Variants in TOR1AIP2 observed in about 807,000 individuals in gnomAD.
The protein encoded by TOR1AIP2 is torsin-1A-interacting protein 2.
A neutral mutation model predicts 32.6 loss-of-function variants in TOR1AIP2; 20 were observed. The ratio of observed to expected loss-of-function variants is 0.61; its 90% CI spans 0.43 to 0.89. The LOEUF (loss-of-function observed/expected upper bound fraction) is 0.89, where lower values mean the gene tolerates loss of function less well. TOR1AIP2 is among the 40% of genes least tolerant of loss of function. The probability of loss-of-function intolerance (pLI) is 0.00; values close to 1 mark genes in which losing one functional copy is unlikely to be tolerated. For synonymous variants in TOR1AIP2, 214 were observed against 210.8 expected (o/e 1.02, Z -0.13); for missense variants, 456 against 553.8 (o/e 0.82, Z 1.77).
At chr1:179,859,047 C>A in intron 3 of TOR1AIP2, 1 of 982,966 alleles carries the variant, frequency 1.0e-6, no homozygotes, top group Non-Finnish European at 1.2e-6. Context: ...AAGTATATAT[C>A]TTTATTTTTA....
intron 2 of TOR1AIP2, among the ~76,000 whole-genome samples, chr1:179,870,482 C>G (rs1233167613): frequency 6.6e-6 from 1 of 152,036 alleles, no homozygotes; most frequent in African/African-American, 2.4e-5. Flanking sequence ...CTAGAGGAAT[C>G]TGAAATGATT....
At chr1:179,863,287 G>A in intron 3 of TOR1AIP2, 2 of 982,956 alleles carry the variant, frequency 2.0e-6, no homozygotes, top group Non-Finnish European at 2.4e-6. Context: ...GCCTACCCAG[G>A]CAATGCTAAC....
At position 179,846,826 on chromosome 1, in the gene TOR1AIP2, G is replaced by A. The variant is rs1298485087; in HGVS notation, c.658C>T (p.Pro220Ser). The A allele has an allele frequency of 3.8e-6, 6 of 1,584,748 alleles. No homozygotes were observed. Among genetic ancestry groups the A allele is most frequent in the African/African-American group, 1.4e-5 (1 of 73,538 alleles). ...INKKGFWSYG[P>S]VILVVLVVAV... is the part of the protein sequence containing the mutation. ...ACAACCAGGACGACAAGAATCACAG[G>A]GCCTGTCAAAAGAATGAAAAAGGAA... Residue 220 changes from proline to serine, a missense_variant and splice_region_variant, in exon 7 of 7, where the codon CCT becomes TCT. By Grantham distance (74) the Pro-to-Ser change is moderately conservative. Transcript: ENST00000609928.
rs1360328317 is a variant in TOR1AIP2, at chr1:179,877,341, G to A, written c.-668C>T. The A allele has an allele frequency of 2.6e-5, 4 of 152,512 alleles. No individual in the cohort carries two copies. The highest frequency in any genetic ancestry group is 9.7e-5 in the African/African-American group (4 of 41,388). 9.4% of individuals were successfully genotyped at this position (152,512 alleles called of 1,614,324 possible). A position where few individuals can be genotyped will look rare whatever the true frequency, so the allele number is the denominator to read the frequency against. ...GAATCGCTTGAAGCCAGGAGTTCGA[G>A]ACCAACCTGGGCAATACAGTGAGAC... On this transcript the variant is annotated 5_prime_UTR_variant, in exon 2 of 7. Coordinates refer to ENST00000609928, the MANE Select transcript of TOR1AIP2 (RefSeq NM_001199260.2).
rs1202025908 is a variant in TOR1AIP2 at position 179,845,618 on chromosome 1, CAT to C, written c.*451_*452del. 6.5e-6 allele frequency: 1 copy of C among 153,104 alleles called. No homozygotes were observed. Among genetic ancestry groups the C allele is most frequent in the Non-Finnish European group, 1.5e-5 (1 of 68,942 alleles). 9.5% of individuals were successfully genotyped at this position (153,104 alleles called of 1,614,324 possible). On this transcript the variant is annotated 3_prime_UTR_variant, in exon 7 of 7. Coordinates refer to ENST00000609928, the MANE Select transcript of TOR1AIP2 (RefSeq NM_001199260.2). The stretch of plus-strand genomic sequence containing the variant: ...TAAAGTAAGGTTTGAAAATATTCAA[CAT>C]GTGATAGAAAAATTTTCTAAAGGTT...
intron 2 of TOR1AIP2, among the ~76,000 whole-genome samples, chr1:179,876,617 G>A (rs1647333134): frequency 6.6e-6 from 1 of 151,016 alleles, no homozygotes; most frequent in African/African-American, 2.4e-5. Context: ...GTTTCCACTG[G>A]CCTTTTATAT....
intron 2 of TOR1AIP2, among the ~76,000 whole-genome samples, chr1:179,870,599 A>C (rs1558028763): frequency 1.3e-5 from 2 of 152,182 alleles, no homozygotes; most frequent in South Asian, 2.1e-4. Flanking sequence ...AACAATCTGC[A>C]GTCTTGTAAT....
At chr1:179,858,087 C>G (rs1010314259) in intron 3 of TOR1AIP2, among the ~76,000 whole-genome samples, 2 of 151,020 alleles carry the variant, frequency 1.3e-5, no homozygotes, top group Non-Finnish European at 2.9e-5. Context: ...CCCAGGAGTT[C>G]AAGGCTGCAG....
At chr1:179,865,238 A>G (rs1204598691) in intron 3 of TOR1AIP2, 198 bp downstream of exon 3, 1 of 1,523,850 alleles carries the variant, frequency 6.6e-7, no homozygotes. Flanking sequence ...TGACAGAGAG[A>G]GACGCCCAAA....
At chr1:179,858,905 G>A in intron 3 of TOR1AIP2, 1 of 583,642 alleles carries the variant, frequency 1.7e-6, no homozygotes. Context: ...GAAGTACTAA[G>A]ACCATTTTTT....
chr1:179,842,734 A>G lies in TOR1AIP2; in HGVS notation c.*3337T>C, dbSNP rs981846766. On this transcript the variant is annotated 3_prime_UTR_variant, in exon 7 of 7. Transcript: ENST00000609928. ...AGACGAATTACTAGACACACAAAAG[A>G]AAATCTGAAACCTTAAAAAATGTCA... 10 of 152,234 alleles carry G rather than the reference A, an allele frequency of 6.6e-5. No homozygotes were observed. 9.4% of individuals were successfully genotyped at this position (152,234 alleles called of 1,614,324 possible).
At chr1:179,859,867 GC>G in intron 3 of TOR1AIP2, 1 of 980,434 alleles carries the variant, frequency 1.0e-6, no homozygotes, top group Non-Finnish European at 1.2e-6. Context: ...TTACTCTGTT[GC>G]CCAGGCTGGA....
rs1696092193 is a variant in TOR1AIP2 at position 179,850,951 on chromosome 1, T to C, written c.447A>G (p.Ala149=). ...LPKEASDGTG[A]SQEPPTTDSQ... ...AGTCTGTAGTAGGTGGTTCCTGAGA[T>C]GCTCCAGTTCCGTCACTCGCTTCCT... is the stretch of plus-strand genomic sequence containing the variant. Residue 149 remains alanine, a synonymous_variant, in exon 5 of 7, where the codon GCA becomes GCG. Coordinates refer to ENST00000609928, the MANE Select transcript of TOR1AIP2 (RefSeq NM_001199260.2). 3.7e-6 allele frequency: 6 copies of C among 1,614,230 alleles called. No homozygotes were observed. Among genetic ancestry groups the C allele is most frequent in the East Asian group, 4.5e-5 (2 of 44,886 alleles).
Position 179,852,771 on chromosome 1 carries a change from T to G in TOR1AIP2, c.-106A>C. 6.3e-7 allele frequency: 1 copy of G among 1,584,240 alleles called. No homozygotes were observed. The highest frequency in any genetic ancestry group is 8.6e-7 in the Non-Finnish European group (1 of 1,163,722). ...CTTGTCCCAAGTCCCAACAGACTCA[T>G]GCTTCCCATGGACCCAGGAAATAAG... On this transcript the variant is annotated 5_prime_UTR_variant, in exon 4 of 7. The change abolishes an upstream ATG in the 5' untranslated region. Transcript: ENST00000609928.
chr1:179,867,724 G>C (rs1005209986), intron 2 of TOR1AIP2: 5 of 152,138 alleles, frequency 3.3e-5, no homozygotes, highest in Non-Finnish European at 5.9e-5. Flanking sequence ...GGAGTCAAGA[G>C]AAAGCCCTAA....
intron 3 of TOR1AIP2, chr1:179,863,252 T>C (rs1571685788): frequency 7.4e-6 from 6 of 806,226 alleles, no homozygotes; most frequent in Non-Finnish European, 8.9e-6. Flanking sequence ...AAAAAAGCCC[T>C]GATTTCTTCA....
intron 3 of TOR1AIP2, chr1:179,863,978 G>T: frequency 1.0e-6 from 1 of 985,376 alleles, no homozygotes; most frequent in Non-Finnish European, 1.2e-6. Flanking sequence ...TATGAAGTCA[G>T]GCTTGATAAT....
At chr1:179,861,137 CAT>C in intron 3 of TOR1AIP2, 3 of 985,442 alleles carry the variant, frequency 3.0e-6, no homozygotes, top group Non-Finnish European at 2.4e-6. Flanking sequence ...GCTACCATAA[CAT>C]ATAAGCAATA....
rs549682286 is a variant in TOR1AIP2, at chr1:179,870,179, G to A, written c.-565-4325C>T. Among the ~76,000 whole-genome samples, 28 of 152,216 alleles carry A rather than the reference G, an allele frequency of 1.8e-4. No homozygotes were observed. In the South Asian group the frequency reaches 2.7e-3, roughly 15 times the overall value. ...TGGGAGGCCAAGGCGGGTGGATCAC[G>A]AGGTCAGGAGATGGAGACCATCCTG... is the stretch of plus-strand genomic sequence containing the variant. On this transcript the variant is annotated intron_variant, in intron 2 of 6. Coordinates refer to ENST00000609928, the MANE Select transcript of TOR1AIP2 (RefSeq NM_001199260.2).
Sources: allele counts gnomAD v4.1 joint callset (sites outside exome capture counted in the v4.1 genomes callset), GRCh38; gene constraint gnomAD v4.1.1; transcripts MANE v1.5; gene names NCBI Gene and HGNC (gene_info 2026-07-23, HGNC 2026-07-21).